The following UST variants were observed in gnomAD, a reference collection of about 807,000 sequenced individuals.
The protein encoded by UST is uronyl 2-sulfotransferase.
In UST, 21 loss-of-function variants were observed where a neutral mutation model predicts 45.6. The observed-to-expected ratio is 0.46, with a 90% CI of 0.33 to 0.66. The LOEUF is 0.66. UST is among the 30% of genes least tolerant of loss of function. The pLI, the probability that UST is intolerant of heterozygous loss-of-function variation, is 0.02. For synonymous variants in UST, 215 were observed against 200.6 expected (o/e 1.07, Z -0.61); for missense variants, 463 against 512.4 (o/e 0.90, Z 0.93).
intron 2 of UST, among the ~76,000 whole-genome samples, chr6:148,916,319 GGC>G (rs1779589363): frequency 2.0e-5 from 3 of 152,150 alleles, no homozygotes; most frequent in Non-Finnish European, 2.9e-5. Context: ...TTTGCACTCT[GGC>G]ACTATGCTGT....
chr6:149,059,332 G>A (rs1776619271), intron 7 of UST, among the ~76,000 whole-genome samples: 1 of 152,212 alleles, frequency 6.6e-6, no homozygotes, highest in Non-Finnish European at 1.5e-5. Context: ...CAAGTGTCGG[G>A]CCCTTCCGGT....
At chr6:148,842,224 G>A (rs1337316017) in intron 1 of UST, among the ~76,000 whole-genome samples, 1 of 152,166 alleles carries the variant, frequency 6.6e-6, no homozygotes, top group Non-Finnish European at 1.5e-5. Context: ...GTGAAATAAG[G>A]AAAATTTGTC....
rs141578300 is a variant in UST, at chr6:148,830,437, A to G, written c.248-56549A>G. On this transcript the variant is annotated intron_variant, in intron 1 of 7. Coordinates refer to ENST00000367463, the MANE Select transcript of UST (RefSeq NM_005715.3). ...CTATCCCCACAAAGACGACCGGACT[A>G]AGCAGCAGCCCCAGGGTCTTGCCGC... Among the ~76,000 whole-genome samples the G allele has an allele frequency of 1.4e-4, 21 of 152,362 alleles. No individual in the cohort carries two copies. The East Asian group carries it at 3.7e-3, about 27-fold the overall frequency.
intron 1 of UST, among the ~76,000 whole-genome samples, chr6:148,856,618 G>A (rs979908048): frequency 1.3e-5 from 2 of 152,168 alleles, no homozygotes; most frequent in Non-Finnish European, 2.9e-5. Flanking sequence ...GTTGCGGGGC[G>A]GGCTTTCCCA....
intron 1 of UST, among the ~76,000 whole-genome samples, chr6:148,852,719 A>G (rs545325902): frequency 1.6e-4 from 25 of 152,056 alleles, no homozygotes; most frequent in Non-Finnish European, 3.7e-4. Context: ...TTTTTATTGA[A>G]GCTCAGGTAG....
intron 1 of UST, among the ~76,000 whole-genome samples, chr6:148,812,296 A>C (rs937281714): frequency 1.3e-5 from 2 of 152,222 alleles, no homozygotes; most frequent in African/African-American, 2.4e-5. Context: ...CCATGAGTTC[A>C]TCAAGATAAT....
chr6:149,060,539 C>T lies in UST; in HGVS notation c.938-13294C>T, dbSNP rs184572439. Among the ~76,000 whole-genome samples the T allele has an allele frequency of 2.6e-5, 4 of 152,310 alleles. No homozygotes were observed. In the East Asian group the frequency reaches 7.7e-4, roughly 29 times the overall value. On this transcript the variant is annotated intron_variant, in intron 7 of 7. Coordinates refer to ENST00000367463, the MANE Select transcript of UST (RefSeq NM_005715.3). The stretch of plus-strand genomic sequence containing the variant: ...CCCTATAATTCAGGAAATGAGTTTA[C>T]TCTATCTGTGACAAGCATCATGTTC...
At chr6:148,975,674 GAA>G (rs1257750873) in intron 5 of UST, among the ~76,000 whole-genome samples, 3 of 152,016 alleles carry the variant, frequency 2.0e-5, no homozygotes, top group African/African-American at 7.2e-5. Context: ...ATTTCAGTTA[GAA>G]AAAAAGCATC....
chr6:149,022,917 A>G (rs1027462311), intron 7 of UST, among the ~76,000 whole-genome samples: 6 of 152,194 alleles, frequency 3.9e-5, no homozygotes, highest in Admixed American at 1.3e-4. Flanking sequence ...CTTTTCAACA[A>G]CAAGCCATTT....
intron 2 of UST, among the ~76,000 whole-genome samples, chr6:148,896,755 T>C (rs1293273363): frequency 6.6e-6 from 1 of 152,210 alleles, no homozygotes; most frequent in Non-Finnish European, 1.5e-5. Context: ...TGTGTTAATT[T>C]GCTGCATGCT....
Position 148,963,038 on chromosome 6 carries a change from C to G in UST, c.528-1372C>G, listed in dbSNP as rs530051516. Among the ~76,000 whole-genome samples, 704 of 152,332 alleles carry G rather than the reference C, an allele frequency of 4.6e-3. 3 individuals are homozygous for G. Among genetic ancestry groups the G allele is most frequent in the Non-Finnish European group, 7.6e-3 (519 of 68,040 alleles). ...CACACTGAGCTAGAGCGTGTCGTTCCTGGCTGCAGGAGGCCCACAGTCTGA... is the reference window on the plus strand; with the variant it reads ...CACACTGAGCTAGAGCGTGTCGTTCGTGGCTGCAGGAGGCCCACAGTCTGA... On this transcript the variant is annotated intron_variant, in intron 4 of 7. Transcript: ENST00000367463.
intron 1 of UST, among the ~76,000 whole-genome samples, chr6:148,881,639 G>A (rs528771859): frequency 1.3e-5 from 2 of 152,104 alleles, no homozygotes; most frequent in East Asian, 1.9e-4. Flanking sequence ...TCCCTTCCCC[G>A]AATTTAGATC....
chr6:148,760,252 G>A (rs1776186860), intron 1 of UST, among the ~76,000 whole-genome samples: 1 of 152,188 alleles, frequency 6.6e-6, no homozygotes, highest in Non-Finnish European at 1.5e-5. Context: ...GAAGTCCTAA[G>A]AGAGAAGAAG....
In UST at chr6:148,799,839, G is replaced by A. The variant is rs542723739; in HGVS notation, c.247+52162G>A. On this transcript the variant is annotated intron_variant, in intron 1 of 7. Coordinates refer to ENST00000367463, the MANE Select transcript of UST (RefSeq NM_005715.3). The stretch of plus-strand genomic sequence containing the variant: ...TTTGATTGGTGGTGATGTTCATTGC[G>A]AAATATTTTGAATCTTAATCTTGGC... Among the ~76,000 whole-genome samples the A allele has an allele frequency of 1.5e-4, 23 of 152,238 alleles. No homozygotes were observed. In the South Asian group the frequency reaches 4.1e-3, roughly 27 times the overall value.
intron 2 of UST, among the ~76,000 whole-genome samples, chr6:148,923,232 T>C (rs544604081): frequency 1.3e-5 from 2 of 152,376 alleles, no homozygotes; most frequent in African/African-American, 4.8e-5. Flanking sequence ...TGGGTTATTA[T>C]GAATAATGCT....
In UST at chr6:148,813,099, C is replaced by T. The variant is rs77330263; in HGVS notation, c.247+65422C>T. On this transcript the variant is annotated intron_variant, in intron 1 of 7. Coordinates refer to ENST00000367463, the MANE Select transcript of UST (RefSeq NM_005715.3). ...ACATGTATTTACATTGTAAGATTTT[C>T]TTATGTGTTTGTATTTTATATTTTT... is the stretch of plus-strand genomic sequence containing the variant. 9.5e-3 allele frequency among the ~76,000 whole-genome samples: 1,447 copies of T among 152,126 alleles called. 15 individuals carry two copies. The highest frequency in any genetic ancestry group is 0.015 in the Non-Finnish European group (1,027 of 67,992).
chr6:148,863,732 C>T (rs1351786653), intron 1 of UST, among the ~76,000 whole-genome samples: 2 of 152,260 alleles, frequency 1.3e-5, no homozygotes, highest in African/African-American at 4.8e-5. Flanking sequence ...CAGTCAGGAC[C>T]CTCAGCTGCA....
chr6:148,747,311 C>T lies in UST; in HGVS notation c.-120C>T. 8.1e-7 allele frequency: 1 copy of T among 1,238,542 alleles called. No homozygotes were observed. Among genetic ancestry groups the T allele is most frequent in the South Asian group, 2.5e-5 (1 of 40,234 alleles). 76.7% of individuals were successfully genotyped at this position (1,238,542 alleles called of 1,614,324 possible). ...CAACTTCGGCCCCTCCCCGCCCCCA[C>T]CCGGCTGCCCTCCGCGCGGCCCTCC... is the stretch of plus-strand genomic sequence containing the variant. On this transcript the variant is annotated 5_prime_UTR_variant, in exon 1 of 8. Coordinates refer to ENST00000367463, the MANE Select transcript of UST (RefSeq NM_005715.3).
chr6:148,846,515 T>C lies in UST; in HGVS notation c.248-40471T>C, dbSNP rs530246859. Among the ~76,000 whole-genome samples, 285 of 151,918 alleles carry C rather than the reference T, an allele frequency of 1.9e-3. 1 individual carries two copies. The highest frequency in any genetic ancestry group is 6.7e-3 in the African/African-American group (279 of 41,424). On this transcript the variant is annotated intron_variant, in intron 1 of 7. Transcript: ENST00000367463. ...TAATGCTAAATGACGAGTTAATGGGTGCAGCACACCAGCATGGCACATGTA... is the reference window on the plus strand; with the variant it reads ...TAATGCTAAATGACGAGTTAATGGGCGCAGCACACCAGCATGGCACATGTA...
Sources: allele counts gnomAD v4.1 joint callset (sites outside exome capture counted in the v4.1 genomes callset), GRCh38; gene constraint gnomAD v4.1.1; transcripts MANE v1.5; gene names NCBI Gene and HGNC (gene_info 2026-07-23, HGNC 2026-07-21).